Variants in COMMD1 observed in about 807,000 individuals in gnomAD.
COMMD1 encodes COMM domain-containing protein 1.
Under a neutral mutation model 17.2 loss-of-function variants are expected in COMMD1, and 10 were observed. The ratio of observed to expected loss-of-function variants is 0.58; its 90% confidence interval spans 0.36 to 0.99. The LOEUF (loss-of-function observed/expected upper bound fraction) is 0.99. COMMD1 is among the 50% of genes least tolerant of loss of function. The pLI is 0.01. For synonymous variants in COMMD1, 97 were observed against 91.6 expected, an observed-to-expected ratio of 1.06 and a Z score of -0.34; for missense variants, 270 against 231.8, an observed-to-expected ratio of 1.17 and a Z score of -1.07.
Position 62,043,155 on chromosome 2 carries a change from T to G in COMMD1, c.462+42173T>G, listed in dbSNP as rs145005897. On this transcript the variant is annotated intron_variant, in intron 2 of 2. Transcript: ENST00000311832. ...GAAATACCAGCTAAGCCAGTGACAC[T>G]GGATATAGCTTCAGGCAAAGGGAAT... 6.5e-4 allele frequency among the ~76,000 whole-genome samples: 99 copies of G among 152,348 alleles called. 1 individual carries two copies. The East Asian group carries it at 0.012, about 18-fold the overall frequency.
At chr2:61,901,277 C>T (rs1669650600), upstream of COMMD1, among the ~76,000 whole-genome samples, 1 of 151,924 alleles carries the variant, frequency 6.6e-6, no homozygotes, top group Non-Finnish European at 1.5e-5. Flanking sequence ...AAGCAAGGTT[C>T]ATGGCTTTTC....
intron 2 of COMMD1, among the ~76,000 whole-genome samples, chr2:62,036,451 G>C (rs1294412623): frequency 6.6e-6 from 1 of 152,158 alleles, no homozygotes; most frequent in Non-Finnish European, 1.5e-5. Flanking sequence ...CCAGTTTGCT[G>C]TTCTTTTTGA....
intron 2 of COMMD1, among the ~76,000 whole-genome samples, chr2:62,027,659 G>A (rs10193830): frequency 0.099 from 4,304 of 43,522 alleles, 148 homozygotes; most frequent in African/African-American, 0.22. Flanking sequence ...ATGTTATGTT[G>A]TGTTATGTTA....
chr2:61,935,477 A>G (rs1003579248), intron 1 of COMMD1, among the ~76,000 whole-genome samples: 1 of 151,986 alleles, frequency 6.6e-6, no homozygotes, highest in African/African-American at 2.4e-5. Context: ...AAAATACAAA[A>G]ATTAGCTGGG....
intron 2 of COMMD1, among the ~76,000 whole-genome samples, chr2:62,127,759 C>T (rs1672922950): frequency 6.6e-6 from 1 of 152,186 alleles, no homozygotes; most frequent in South Asian, 2.1e-4. Context: ...CGTAGTGGCT[C>T]ATGTCTGTAA....
At chr2:62,134,617 A>G (rs78897375) in intron 2 of COMMD1, among the ~76,000 whole-genome samples, 1 of 117,966 alleles carries the variant, frequency 8.5e-6, no homozygotes, top group African/African-American at 2.9e-5. Flanking sequence ...AAAAAAAAAA[A>G]TTTTTTTTTT....
upstream of COMMD1, among the ~76,000 whole-genome samples, chr2:61,904,728 T>C (rs1318771747): frequency 1.3e-5 from 2 of 152,258 alleles, no homozygotes; most frequent in Admixed American, 1.3e-4. Context: ...AACTAATCTT[T>C]TAAAGTGTAC....
intron 1 of COMMD1, among the ~76,000 whole-genome samples, chr2:61,899,070 G>C (rs1669607455): frequency 6.6e-6 from 1 of 152,124 alleles, no homozygotes; most frequent in Non-Finnish European, 1.5e-5. Context: ...GCTCAGGCAG[G>C]CAGTAATATG....
At chr2:61,986,601 C>T (rs1482187632) in intron 1 of COMMD1, among the ~76,000 whole-genome samples, 3 of 134,516 alleles carry the variant, frequency 2.2e-5, no homozygotes, top group Non-Finnish European at 4.6e-5. Context: ...CAGAGTCTTG[C>T]TCTGCTGCCC....
chr2:62,086,532 C>T (rs1013319595), intron 2 of COMMD1, among the ~76,000 whole-genome samples: 1 of 151,198 alleles, frequency 6.6e-6, no homozygotes, highest in Admixed American at 6.6e-5. Context: ...AAAAAATTGT[C>T]TTCTGTTTCT....
At chr2:61,977,692 A>G (rs1377347176) in intron 1 of COMMD1, among the ~76,000 whole-genome samples, 4 of 151,928 alleles carry the variant, frequency 2.6e-5, no homozygotes, top group African/African-American at 9.7e-5. Context: ...CTCTGATATT[A>G]AAGTTGACAT....
intron 1 of COMMD1, among the ~76,000 whole-genome samples, chr2:61,985,973 T>C (rs1252701001): frequency 6.6e-6 from 1 of 152,212 alleles, no homozygotes; most frequent in East Asian, 1.9e-4. Flanking sequence ...GTGAATTTTT[T>C]ACCTTCAGAT....
intron 1 of COMMD1, among the ~76,000 whole-genome samples, chr2:61,936,380 C>A (rs560677794): frequency 1.3e-5 from 2 of 151,914 alleles, no homozygotes; most frequent in Non-Finnish European, 2.9e-5. Context: ...GGGAAGCATT[C>A]GAATATAAGA....
intron 2 of COMMD1, among the ~76,000 whole-genome samples, chr2:62,070,895 G>A (rs1453675606): frequency 6.6e-6 from 1 of 152,200 alleles, no homozygotes; most frequent in Admixed American, 6.5e-5. Flanking sequence ...GCTGGGTGTG[G>A]TGGTGCATGC....
chr2:62,006,045 G>A (rs1049861884), intron 2 of COMMD1, among the ~76,000 whole-genome samples: 1 of 151,718 alleles, frequency 6.6e-6, no homozygotes, highest in Non-Finnish European at 1.5e-5. Flanking sequence ...GTCCTTTGTA[G>A]GGACATGGAT....
At chr2:62,117,273 T>C (rs924415541) in intron 2 of COMMD1, among the ~76,000 whole-genome samples, 4 of 152,256 alleles carry the variant, frequency 2.6e-5, no homozygotes, top group Non-Finnish European at 5.9e-5. Context: ...CCAAAATGTA[T>C]GTACTCGTTG....
chr2:62,009,323 G>A (rs1033108313), intron 2 of COMMD1, among the ~76,000 whole-genome samples: 2 of 152,100 alleles, frequency 1.3e-5, no homozygotes, highest in African/African-American at 4.8e-5. Flanking sequence ...GAAAGAATAA[G>A]ACTGGGCATG....
chr2:62,127,928 A>C (rs1672926461), intron 2 of COMMD1, among the ~76,000 whole-genome samples: 1 of 151,800 alleles, frequency 6.6e-6, no homozygotes, highest in African/African-American at 2.4e-5. Flanking sequence ...AGGCTGAGGC[A>C]GGAGAATTGC....
rs572798165 is a variant in COMMD1 at position 61,908,023 on chromosome 2, T to C, written c.180+2165T>C. Among the ~76,000 whole-genome samples, 5 of 152,214 alleles carry C rather than the reference T, an allele frequency of 3.3e-5. No individual in the cohort carries two copies. The East Asian group carries it at 7.7e-4, about 24-fold the overall frequency. ...TTAAATACATTGCTGAATAATAATA[T>C]CCAGGATACTTGAAGTTTTCAAGTG... On this transcript the variant is annotated intron_variant, in intron 1 of 2. Coordinates refer to ENST00000311832, the MANE Select transcript of COMMD1 (RefSeq NM_152516.4).
Sources: allele counts gnomAD v4.1 joint callset (sites outside exome capture counted in the v4.1 genomes callset), GRCh38; gene constraint gnomAD v4.1.1; transcripts MANE v1.5; gene names NCBI Gene and HGNC (gene_info 2026-07-23, HGNC 2026-07-21).